Variants in CADM1 observed in about 807,000 individuals in gnomAD.
CADM1 encodes cell adhesion molecule 1, also known as TSLC-1.
In CADM1, 15 loss-of-function variants were observed where a neutral mutation model predicts 53.1. The ratio of observed to expected loss-of-function variants is 0.28; its 90% CI spans 0.19 to 0.44. The LOEUF (loss-of-function observed/expected upper bound fraction) is 0.44. Ranked by LOEUF, CADM1 falls within the 20% of genes least tolerant of loss-of-function variation. The pLI is 1.00. For missense variants in CADM1, 434 were observed against 611.3 expected, an observed-to-expected ratio of 0.71 and a Z score of 3.06; for synonymous variants, 281 against 243.0, an observed-to-expected ratio of 1.16 and a Z score of -1.45.
rs113933840 is a variant in CADM1, at chr11:115,261,784, A to ATTT, written c.125-21367_125-21365dup. 9.1e-5 allele frequency among the ~76,000 whole-genome samples: 13 copies of ATTT among 143,628 alleles called. No individual in the cohort carries two copies. The South Asian group carries it at 2.9e-3, about 32-fold the overall frequency. 94.2% of individuals were successfully genotyped at this position (143,628 alleles called of 152,430 possible). ...CAAAAATTTCATGCACTCCAATAAG[A>ATTT]TTTTTTTTTTTTTTTGACAGAGTCT... On this transcript the variant is annotated intron_variant, in intron 1 of 11. Coordinates refer to ENST00000331581, the MANE Select transcript of CADM1 (RefSeq NM_001301043.2).
At chr11:115,275,786 GAT>G (rs1297591200) in intron 1 of CADM1, among the ~76,000 whole-genome samples, 1 of 152,166 alleles carries the variant, frequency 6.6e-6, no homozygotes, top group Non-Finnish European at 1.5e-5. Context: ...TGCGTTAGAG[GAT>G]AATGGTGCGC....
At chr11:115,468,959 A>T (rs1189032452) in intron 1 of CADM1, among the ~76,000 whole-genome samples, 1 of 152,174 alleles carries the variant, frequency 6.6e-6, no homozygotes, top group Non-Finnish European at 1.5e-5. Flanking sequence ...AAACCATCAG[A>T]TGTCATGAGA....
chr11:115,197,142 C>T (rs999257912), intron 9 of CADM1, among the ~76,000 whole-genome samples: 1 of 152,128 alleles, frequency 6.6e-6, no homozygotes, highest in South Asian at 2.1e-4. Context: ...TCTCAGAATT[C>T]GTCATAGGAA....
At chr11:115,256,606 ACT>A (rs1191922861) in intron 1 of CADM1, among the ~76,000 whole-genome samples, 3 of 152,006 alleles carry the variant, frequency 2.0e-5, no homozygotes, top group African/African-American at 4.8e-5. Context: ...CTTTCCTATC[ACT>A]CTGAAAATTT....
intron 1 of CADM1, among the ~76,000 whole-genome samples, chr11:115,254,203 A>G (rs1026103904): frequency 6.6e-6 from 1 of 152,192 alleles, no homozygotes; most frequent in Non-Finnish European, 1.5e-5. Flanking sequence ...AAGAGGGCGA[A>G]TGTTAATAAA....
chr11:115,477,331 C>A (rs1324044657), intron 1 of CADM1, among the ~76,000 whole-genome samples: 2 of 152,112 alleles, frequency 1.3e-5, no homozygotes, highest in African/African-American at 2.4e-5. Flanking sequence ...ACATCTTAAC[C>A]AAAACCTCTT....
At chr11:115,327,516 A>T (rs1161709274) in intron 1 of CADM1, among the ~76,000 whole-genome samples, 1 of 123,360 alleles carries the variant, frequency 8.1e-6, no homozygotes, top group Non-Finnish European at 1.7e-5. Flanking sequence ...TGGAATACAT[A>T]AGAGTTTTTT....
rs140248605 is a variant in CADM1, at chr11:115,238,531, T to C, written c.393A>G (p.Pro131=). The change falls in exon 3 of 12, where the codon CCA becomes CCG. Residue 131 remains proline, a synonymous_variant. Transcript: ENST00000331581. ...RYFCQLYTDP[P]QESYTTITVL... ...CTGTGATGGTGGTGTAACTTTCCTG[T>C]GGGGGATCGGTATAGAGCTGGCAAA... The C allele has an allele frequency of 5.0e-6, 8 of 1,613,758 alleles. No individual in the cohort carries two copies. The African/African-American group carries it at 5.3e-5, about 11-fold the overall frequency.
intron 1 of CADM1, among the ~76,000 whole-genome samples, chr11:115,403,381 G>A (rs985878222): frequency 6.6e-6 from 1 of 152,136 alleles, no homozygotes; most frequent in Admixed American, 6.5e-5. Context: ...GCAGCAAAAG[G>A]TTGTTAGTGA....
intron 1 of CADM1, among the ~76,000 whole-genome samples, chr11:115,289,039 C>G (rs1267299776): frequency 6.6e-6 from 1 of 152,098 alleles, no homozygotes; most frequent in African/African-American, 2.4e-5. Flanking sequence ...ACTGAAGAAG[C>G]CAGAAAAGCT....
intron 10 of CADM1, among the ~76,000 whole-genome samples, chr11:115,183,101 A>G (rs1178029760): frequency 2.0e-5 from 3 of 152,142 alleles, no homozygotes; most frequent in South Asian, 2.1e-4. Context: ...TCCATTCCTC[A>G]TGGGCAATAA....
At chr11:115,240,443 T>A in intron 1 of CADM1, 23 bp from the exon 2 acceptor site, 1 of 1,612,896 alleles carries the variant, frequency 6.2e-7, no homozygotes. Flanking sequence ...GAAGAAAAGG[T>A]CAGAGGAAAA....
chr11:115,236,287 T>A (rs1409731701), intron 3 of CADM1, among the ~76,000 whole-genome samples: 1 of 152,166 alleles, frequency 6.6e-6, no homozygotes, highest in Admixed American at 6.5e-5. Flanking sequence ...CGAGAAACGT[T>A]GGAATATACG....
intron 1 of CADM1, among the ~76,000 whole-genome samples, chr11:115,487,893 A>G (rs1949411639): frequency 6.6e-6 from 1 of 152,228 alleles, no homozygotes; most frequent in South Asian, 2.1e-4. Context: ...TATTTCAAAG[A>G]TACAATTTTT....
At chr11:115,223,525 T>C (rs750545826) in intron 5 of CADM1, among the ~76,000 whole-genome samples, 4 of 152,136 alleles carry the variant, frequency 2.6e-5, no homozygotes, top group Non-Finnish European at 4.4e-5. Context: ...TACAAATACA[T>C]TAAGGTCAGT....
chr11:115,253,672 C>T (rs1291590741), intron 1 of CADM1, among the ~76,000 whole-genome samples: 2 of 152,102 alleles, frequency 1.3e-5, no homozygotes, highest in African/African-American at 4.8e-5. Context: ...TAATCAAACC[C>T]ACCTATTACT....
At chr11:115,338,980 G>T (rs1208774427) in intron 1 of CADM1, among the ~76,000 whole-genome samples, 1 of 141,414 alleles carries the variant, frequency 7.1e-6, no homozygotes, top group Admixed American at 7.1e-5. Context: ...GTGCCATGCC[G>T]GTGCGCTGCA....
chr11:115,334,770 T>G (rs1022051544), intron 1 of CADM1, among the ~76,000 whole-genome samples: 1 of 152,102 alleles, frequency 6.6e-6, no homozygotes, highest in African/African-American at 2.4e-5. Context: ...AAATACACAT[T>G]CGAGTAGTCT....
chr11:115,460,307 T>C (rs958657117), intron 1 of CADM1, among the ~76,000 whole-genome samples: 2 of 152,154 alleles, frequency 1.3e-5, no homozygotes, highest in African/African-American at 4.8e-5. Flanking sequence ...TCACACAACG[T>C]GAACAGCTCT....
Sources: gnomAD v4.1 joint callset for allele counts (sites outside exome capture counted in the v4.1 genomes callset) on GRCh38, gnomAD v4.1.1 for gene constraint, MANE v1.5 for transcripts, NCBI Gene and HGNC (gene_info 2026-07-23, HGNC 2026-07-21) for gene names.